GRID2: variants seen among roughly 807,000 people sequenced by gnomAD.
The protein encoded by GRID2 is glutamate ionotropic receptor delta type subunit 2, also known as glutamate receptor ionotropic, delta-2.
In GRID2, 33 loss-of-function variants were observed where a neutral mutation model predicts 114.8. The ratio of observed to expected loss-of-function variants is 0.29; its 90% CI spans 0.22 to 0.38. The LOEUF (loss-of-function observed/expected upper bound fraction) is 0.38, where lower values mean the gene tolerates loss of function less well. Ranked by LOEUF, GRID2 falls within the 10% of genes least tolerant of loss-of-function variation. GRID2 has a pLI of 1.00. For missense variants in GRID2, 1,184 were observed against 1,257.7 expected (o/e 0.94, Z 0.89); for synonymous variants, 505 against 449.9 (o/e 1.12, Z -1.55).
chr4:92,693,686 T>C (rs1275905827), intron 2 of GRID2, among the ~76,000 whole-genome samples: 1 of 152,166 alleles, frequency 6.6e-6, no homozygotes, highest in Non-Finnish European at 1.5e-5. Flanking sequence ...TCAGGATTTA[T>C]AGCCGGGCCC....
At chr4:93,612,213 G>A (rs1231611468) in intron 13 of GRID2, among the ~76,000 whole-genome samples, 10 of 149,248 alleles carry the variant, frequency 6.7e-5, no homozygotes, top group South Asian at 2.2e-4. Context: ...GTCTCTGCAC[G>A]TGAGATGGGT....
At chr4:93,174,316 G>T (rs538609002) in intron 4 of GRID2, among the ~76,000 whole-genome samples, 1 of 151,944 alleles carries the variant, frequency 6.6e-6, no homozygotes, top group South Asian at 2.1e-4. Context: ...ATTTACTTTC[G>T]ATCTCCATAA....
chr4:93,341,630 A>T (rs1759666491), intron 8 of GRID2, among the ~76,000 whole-genome samples: 1 of 152,142 alleles, frequency 6.6e-6, no homozygotes, highest in Non-Finnish European at 1.5e-5. Flanking sequence ...AACCTTTAGT[A>T]ATGGTTTTTA....
chr4:93,285,152 A>T (rs1213061082), intron 8 of GRID2, among the ~76,000 whole-genome samples: 2 of 130,924 alleles, frequency 1.5e-5, no homozygotes, highest in East Asian at 2.2e-4. Flanking sequence ...CTAGTTTTCC[A>T]GAGAGCATTT....
At chr4:92,480,740 C>T (rs73837306) in intron 1 of GRID2, among the ~76,000 whole-genome samples, 4,014 of 152,172 alleles carry the variant, frequency 0.026, 187 homozygotes, top group African/African-American at 0.091. Context: ...TTCTAAGTAA[C>T]GTAACATTCA....
Position 93,039,934 on chromosome 4 carries a change from C to G in GRID2, c.245-45061C>G, listed in dbSNP as rs1004783027. Among the ~76,000 whole-genome samples, 6 of 152,300 alleles carry G rather than the reference C, an allele frequency of 3.9e-5. No individual in the cohort carries two copies. In the South Asian group the frequency reaches 8.3e-4, roughly 21 times the overall value. On this transcript the variant is annotated intron_variant, in intron 2 of 15. Transcript: ENST00000282020. ...GTGCAAAAAGTTGGGCTACATAACT[C>G]AAATCTCCTTTGTATCTTAGGTAAG...
At chr4:93,362,947 C>T (rs377363335) in intron 8 of GRID2, among the ~76,000 whole-genome samples, 19 of 152,250 alleles carry the variant, frequency 1.2e-4, no homozygotes, top group African/African-American at 2.4e-4. Context: ...CAGCGGGGCA[C>T]GGTGGCTCAC....
intron 2 of GRID2, among the ~76,000 whole-genome samples, chr4:92,996,844 A>C (rs1755230731): frequency 6.6e-6 from 1 of 152,154 alleles, no homozygotes; most frequent in Non-Finnish European, 1.5e-5. Flanking sequence ...CAAATGCATT[A>C]TGCTTCTCCA....
chr4:92,937,893 G>A (rs111644258), intron 2 of GRID2, among the ~76,000 whole-genome samples: 3 of 146,482 alleles, frequency 2.0e-5, no homozygotes, highest in African/African-American at 7.3e-5. Flanking sequence ...TAAAGCACAA[G>A]GGCAAATGTG....
rs984559399 is a variant in GRID2 at position 93,161,286 on chromosome 4, A to G, written c.736-46118A>G. On this transcript the variant is annotated intron_variant, in intron 4 of 15. Transcript: ENST00000282020. Reference sequence around the variant, plus strand: ...CTCTTAGAAATCAAGCAATAGAAGTATGGCTTTGCCTTTAACTTCTGAGGT... The same window carrying G: ...CTCTTAGAAATCAAGCAATAGAAGTGTGGCTTTGCCTTTAACTTCTGAGGT... Among the ~76,000 whole-genome samples the G allele has an allele frequency of 5.9e-5, 9 of 151,922 alleles. No homozygotes were observed. The Admixed American group carries it at 5.9e-4, about 10-fold the overall frequency.
intron 1 of GRID2, among the ~76,000 whole-genome samples, chr4:92,498,646 CA>C (rs780204452): frequency 1.8e-4 from 28 of 151,598 alleles, no homozygotes; most frequent in Non-Finnish European, 3.5e-4. Flanking sequence ...TAAAACATGA[CA>C]AAAATTAAAA....
At chr4:92,429,461 C>A (rs1307364600) in intron 1 of GRID2, among the ~76,000 whole-genome samples, 1 of 152,132 alleles carries the variant, frequency 6.6e-6, no homozygotes, top group Non-Finnish European at 1.5e-5. Flanking sequence ...GTACCCCATT[C>A]TGTATGTGTA....
At chr4:93,377,715 T>C (rs1320462623) in intron 8 of GRID2, among the ~76,000 whole-genome samples, 8 of 152,112 alleles carry the variant, frequency 5.3e-5, no homozygotes, top group African/African-American at 1.7e-4. Flanking sequence ...CTTCTGAGGA[T>C]TGAGATGATG....
At chr4:92,891,390 A>G (rs1267225083) in intron 2 of GRID2, among the ~76,000 whole-genome samples, 1 of 152,214 alleles carries the variant, frequency 6.6e-6, no homozygotes, top group Non-Finnish European at 1.5e-5. Flanking sequence ...GAATTTAGAC[A>G]TGATCTCCAG....
chr4:93,696,874 A>T (rs1003454974), intron 14 of GRID2, among the ~76,000 whole-genome samples: 1 of 152,174 alleles, frequency 6.6e-6, no homozygotes, highest in Admixed American at 6.5e-5. Context: ...TTTTACGCGT[A>T]TTAATCTACC....
intron 8 of GRID2, among the ~76,000 whole-genome samples, chr4:93,393,827 A>G (rs1305748243): frequency 6.6e-6 from 1 of 152,038 alleles, no homozygotes; most frequent in Non-Finnish European, 1.5e-5. Context: ...CAAACTGACA[A>G]TAGGTTCACC....
chr4:93,426,658 T>G (rs574232645), intron 10 of GRID2, among the ~76,000 whole-genome samples: 1 of 152,106 alleles, frequency 6.6e-6, no homozygotes, highest in Admixed American at 6.5e-5. Context: ...TTTGAAAATA[T>G]AAGTTTATCG....
chr4:93,568,626 C>A (rs1578280794), intron 13 of GRID2, among the ~76,000 whole-genome samples: 1 of 152,318 alleles, frequency 6.6e-6, no homozygotes, highest in East Asian at 1.9e-4. Context: ...TCATTAACAA[C>A]ATCATAACCA....
intron 2 of GRID2, among the ~76,000 whole-genome samples, chr4:92,652,457 T>C (rs1470147381): frequency 6.6e-6 from 1 of 151,582 alleles, no homozygotes; most frequent in Non-Finnish European, 1.5e-5. Context: ...TCAGGAGGAA[T>C]GCTAGAGGCC....
Sources: gnomAD v4.1 joint callset for allele counts (sites outside exome capture counted in the v4.1 genomes callset) on GRCh38, gnomAD v4.1.1 for gene constraint, MANE v1.5 for transcripts, NCBI Gene and HGNC (gene_info 2026-07-23, HGNC 2026-07-21) for gene names.